Variants in LRRTM4 observed in about 807,000 individuals in gnomAD.
The protein encoded by LRRTM4 is leucine rich repeat transmembrane neuronal 4, also known as leucine-rich repeat transmembrane neuronal protein 4.
In LRRTM4, 25 loss-of-function variants were observed where a neutral mutation model predicts 47.6. The observed-to-expected ratio is 0.53, with a 90% confidence interval of 0.38 to 0.73. The LOEUF (loss-of-function observed/expected upper bound fraction) is 0.73. LRRTM4 is among the 30% of genes least tolerant of loss of function. LRRTM4 has a pLI of 0.00. For missense variants in LRRTM4, 638 were observed against 713.4 expected (o/e 0.89, Z 1.20); for synonymous variants, 311 against 269.5 (o/e 1.15, Z -1.51).
intron 3 of LRRTM4, among the ~76,000 whole-genome samples, chr2:77,134,793 A>G (rs1344133757): frequency 6.6e-6 from 1 of 152,170 alleles, no homozygotes; most frequent in East Asian, 1.9e-4. Flanking sequence ...AAGGGGGGAT[A>G]TCTTTTTTCA....
chr2:77,438,520 C>T (rs1171063485), intron 3 of LRRTM4, among the ~76,000 whole-genome samples: 1 of 148,886 alleles, frequency 6.7e-6, no homozygotes, highest in Non-Finnish European at 1.5e-5. Context: ...CATTCTCCTT[C>T]CTCAGCCTCC....
intron 3 of LRRTM4, among the ~76,000 whole-genome samples, chr2:77,129,562 C>T (rs1171439718): frequency 6.6e-6 from 1 of 152,182 alleles, no homozygotes; most frequent in African/African-American, 2.4e-5. Context: ...TTAAGCATCA[C>T]ATATTGTTTA....
intron 3 of LRRTM4, among the ~76,000 whole-genome samples, chr2:76,894,656 C>T (rs1470179274): frequency 6.6e-6 from 1 of 151,738 alleles, no homozygotes; most frequent in Non-Finnish European, 1.5e-5. Flanking sequence ...CAAATAAAGC[C>T]ACTATTAGAA....
At chr2:77,221,704 A>T (rs1386393889) in intron 3 of LRRTM4, among the ~76,000 whole-genome samples, 6 of 152,166 alleles carry the variant, frequency 3.9e-5, no homozygotes, top group African/African-American at 7.2e-5. Context: ...AGATTCATAA[A>T]GCAAGTCCTG....
At chr2:77,108,466 T>C (rs1216846078) in intron 3 of LRRTM4, among the ~76,000 whole-genome samples, 1 of 151,994 alleles carries the variant, frequency 6.6e-6, no homozygotes, top group East Asian at 1.9e-4. Flanking sequence ...AAAAATAAAC[T>C]GCAAAAACTA....
chr2:77,079,616 A>G (rs1680465019), intron 3 of LRRTM4, among the ~76,000 whole-genome samples: 1 of 152,182 alleles, frequency 6.6e-6, no homozygotes, highest in Non-Finnish European at 1.5e-5. Context: ...AATGAAACCA[A>G]AAGATTGGAT....
chr2:77,357,961 A>G (rs1201853070), intron 3 of LRRTM4, among the ~76,000 whole-genome samples: 1 of 152,140 alleles, frequency 6.6e-6, no homozygotes, highest in African/African-American at 2.4e-5. Flanking sequence ...GTTTAAATAT[A>G]TATACTTTGG....
At chr2:77,417,371 A>G (rs1198264140) in intron 3 of LRRTM4, among the ~76,000 whole-genome samples, 1 of 152,078 alleles carries the variant, frequency 6.6e-6, no homozygotes, top group Non-Finnish European at 1.5e-5. Context: ...ATACCATTTG[A>G]CCCAGCCATC....
chr2:77,161,131 T>G (rs577422537), intron 3 of LRRTM4, among the ~76,000 whole-genome samples: 5 of 152,170 alleles, frequency 3.3e-5, no homozygotes, highest in Non-Finnish European at 7.4e-5. Flanking sequence ...GCTATAGGCA[T>G]AGTTAAACGA....
intron 3 of LRRTM4, among the ~76,000 whole-genome samples, chr2:77,501,703 G>A (rs1443568579): frequency 6.6e-6 from 1 of 150,680 alleles, no homozygotes; most frequent in East Asian, 1.9e-4. Context: ...AAAGCTGAAC[G>A]GCAAGCTCTG....
intron 3 of LRRTM4, among the ~76,000 whole-genome samples, chr2:77,475,952 A>G (rs976191576): frequency 6.6e-6 from 1 of 151,890 alleles, no homozygotes. Flanking sequence ...TACTTTTTCT[A>G]TTTAATAAAA....
At chr2:76,933,376 C>G (rs954464130) in intron 3 of LRRTM4, among the ~76,000 whole-genome samples, 1 of 152,004 alleles carries the variant, frequency 6.6e-6, no homozygotes, top group Non-Finnish European at 1.5e-5. Flanking sequence ...TATTCTCACA[C>G]GGTCATACAA....
intron 3 of LRRTM4, among the ~76,000 whole-genome samples, chr2:77,448,533 A>G (rs915702836): frequency 3.9e-5 from 6 of 151,926 alleles, no homozygotes; most frequent in Non-Finnish European, 7.4e-5. Context: ...CTGCATTTCA[A>G]ATTACCATCA....
chr2:76,976,254 T>C (rs1573392820), intron 3 of LRRTM4, among the ~76,000 whole-genome samples: 1 of 151,776 alleles, frequency 6.6e-6, no homozygotes, highest in African/African-American at 2.4e-5. Flanking sequence ...AATATATTTT[T>C]ATAAAAGTGC....
intron 3 of LRRTM4, among the ~76,000 whole-genome samples, chr2:77,238,958 C>T (rs1200289075): frequency 6.6e-6 from 1 of 151,814 alleles, no homozygotes; most frequent in Non-Finnish European, 1.5e-5. Flanking sequence ...AAAGGACATT[C>T]TTAATGTACC....
chr2:77,066,430 T>C (rs1377765795), intron 3 of LRRTM4, among the ~76,000 whole-genome samples: 1 of 152,226 alleles, frequency 6.6e-6, no homozygotes, highest in African/African-American at 2.4e-5. Flanking sequence ...CATTGATTCA[T>C]GCTGTGAAGT....
chr2:77,130,660 G>A (rs991365536), intron 3 of LRRTM4, among the ~76,000 whole-genome samples: 2 of 140,106 alleles, frequency 1.4e-5, no homozygotes, highest in African/African-American at 5.3e-5. Context: ...TACAGGCGCC[G>A]GCCACCACTC....
At chr2:77,117,742 GC>G (rs978496610) in intron 3 of LRRTM4, among the ~76,000 whole-genome samples, 1 of 151,784 alleles carries the variant, frequency 6.6e-6, no homozygotes, top group Non-Finnish European at 1.5e-5. Context: ...TATATGGACA[GC>G]TTTTTATGGT....
Position 77,315,913 on chromosome 2 carries a change from T to C in LRRTM4, c.1551+202405A>G, listed in dbSNP as rs137963056. ...CAAACTACCTCCTGCCATGAAGATA[T>C]AAGAGCATTTACTTTTCCTTTGGGC... is the stretch of plus-strand genomic sequence containing the variant. On this transcript the variant is annotated intron_variant, in intron 3 of 3. Transcript: ENST00000409884. Among the ~76,000 whole-genome samples the C allele has an allele frequency of 3.4e-3, 521 of 152,290 alleles. 1 individual carries two copies. The highest frequency in any genetic ancestry group is 0.012 in the African/African-American group (502 of 41,566).
Sources: allele counts gnomAD v4.1 joint callset (sites outside exome capture counted in the v4.1 genomes callset), GRCh38; gene constraint gnomAD v4.1.1; transcripts MANE v1.5; gene names NCBI Gene and HGNC (gene_info 2026-07-23, HGNC 2026-07-21).